Variants in ZNF641 observed in about 807,000 individuals in gnomAD.
The protein encoded by ZNF641 is zinc finger protein 641.
ZNF641 carries 26 observed loss-of-function variants against 46.2 expected under a neutral mutation model. That is an observed-to-expected ratio of 0.56 (90% confidence interval 0.41 to 0.78). ZNF641 has a LOEUF of 0.78. ZNF641 is among the 30% of genes least tolerant of loss of function. The pLI, the probability that ZNF641 is intolerant of heterozygous loss-of-function variation, is 0.00. For synonymous variants in ZNF641, 163 were observed against 187.9 expected, an observed-to-expected ratio of 0.87 and a Z score of 1.09; for missense variants, 469 against 517.8, an observed-to-expected ratio of 0.91 and a Z score of 0.91.
intron 2 of ZNF641, 35 bp downstream of exon 2, chr12:48,347,872 G>C (rs752844064): frequency 6.3e-7 from 1 of 1,590,376 alleles, no homozygotes; most frequent in South Asian, 1.1e-5. Context: ...AGGAGACTAT[G>C]CACTGTGCTT....
downstream of ZNF641, among the ~76,000 whole-genome samples, chr12:48,335,018 G>A (rs1214707461): frequency 1.3e-5 from 2 of 152,228 alleles, no homozygotes; most frequent in Non-Finnish European, 2.9e-5. Flanking sequence ...CATTAGCACT[G>A]TGGTTTGGGC....
In ZNF641 at chr12:48,342,808, G is replaced by A. The variant is rs1040918710; in HGVS notation, c.*165C>T. ...CTCTATTTTTATGTGCTATCTCACAGAACTGGTGAGAAATGCTCTGGCCAT... is the reference window on the plus strand; with the variant it reads ...CTCTATTTTTATGTGCTATCTCACAAAACTGGTGAGAAATGCTCTGGCCAT... On this transcript the variant is annotated 3_prime_UTR_variant, in exon 6 of 6. Coordinates refer to ENST00000547026, the MANE Select transcript of ZNF641 (RefSeq NM_001172681.2). 4.2e-6 allele frequency: 6 copies of A among 1,428,748 alleles called. No homozygotes were observed. The highest frequency in any genetic ancestry group is 4.6e-6 in the Non-Finnish European group (5 of 1,096,670). 88.5% of individuals were successfully genotyped at this position (1,428,748 alleles called of 1,614,324 possible). A position where few individuals can be genotyped will look rare whatever the true frequency, so the allele number is the denominator to read the frequency against.
In ZNF641 at chr12:48,342,979, G is replaced by A. The variant is rs1401669308; in HGVS notation, c.1269C>T (p.Val423=). 1 of 1,609,486 alleles carries A rather than the reference G, an allele frequency of 6.2e-7. No homozygotes were observed. The highest frequency in any genetic ancestry group is 1.3e-5 in the African/African-American group (1 of 74,856). ...GCTGTAGTGGAAACAGATTTCAAAA[G>A]ACAGATGTTCCTCTGTCCCAGCTGT... The part of the protein sequence containing the change: ...PRNSWDRGTS[V]F Residue 423 remains valine, a synonymous_variant, in exon 6 of 6, where the codon GTC becomes GTT. Transcript: ENST00000547026.
At chr12:48,350,161 T>G in intron 1 of ZNF641, 1 of 1,602,954 alleles carries the variant, frequency 6.2e-7, no homozygotes, top group Admixed American at 1.7e-5. Context: ...CCCACTGCAG[T>G]GTGGGTTCTA....
intron 1 of ZNF641, among the ~76,000 whole-genome samples, chr12:48,348,599 G>C (rs1275679925): frequency 2.0e-5 from 3 of 152,190 alleles, no homozygotes; most frequent in Non-Finnish European, 4.4e-5. Flanking sequence ...GATTACTATA[G>C]GTAAAAGTCC....
At position 48,337,641 on chromosome 12, in the gene ZNF641, A is replaced by G. The variant is rs980640188; in HGVS notation, c.*5332T>C. 1 of 148,856 alleles carries G rather than the reference A, an allele frequency of 6.7e-6. No homozygotes were observed. The highest frequency in any genetic ancestry group is 2.5e-5 in the African/African-American group (1 of 39,940). 9.2% of individuals were successfully genotyped at this position (148,856 alleles called of 1,614,324 possible). On this transcript the variant is annotated 3_prime_UTR_variant, in exon 6 of 6. Transcript: ENST00000547026. ...TGAGACCATCCTGGCTAACACCGTG[A>G]AACCCCGTCTCTACTAAAAAAAATA...
Position 48,347,351 on chromosome 12 carries a change from GGA to G in ZNF641, c.185-10_185-9del, listed in dbSNP as rs777926775. ...CCCAGGGAGCAGACTGAGCTGATAA[GGA>G]GAGAGAAGAAACATTAGAGAATAAC... On this transcript the variant is annotated splice_polypyrimidine_tract_variant and intron_variant, in intron 2 of 5. Transcript: ENST00000547026. 5.6e-6 allele frequency: 9 copies of G among 1,601,450 alleles called. No homozygotes were observed. The South Asian group carries it at 1.0e-4, about 18-fold the overall frequency.
Position 48,342,969 on chromosome 12 carries a change from G to T in ZNF641, c.*4C>A. 1 of 1,604,384 alleles carries T rather than the reference G, an allele frequency of 6.2e-7. No individual in the cohort carries two copies. Among genetic ancestry groups the T allele is most frequent in the Non-Finnish European group, 8.5e-7 (1 of 1,175,398 alleles). On this transcript the variant is annotated 3_prime_UTR_variant, in exon 6 of 6. Transcript: ENST00000547026. Reference sequence around the variant, plus strand: ...CTTGACCATAGCTGTAGTGGAAACAGATTTCAAAAGACAGATGTTCCTCTG... The same window carrying T: ...CTTGACCATAGCTGTAGTGGAAACATATTTCAAAAGACAGATGTTCCTCTG...
intron 1 of ZNF641, chr12:48,350,155 C>G (rs746781507): frequency 1.2e-6 from 2 of 1,606,652 alleles, no homozygotes; most frequent in African/African-American, 1.3e-5. Flanking sequence ...CCCATGCCCA[C>G]TGCAGTGTGG....
At position 48,340,823 on chromosome 12, in the gene ZNF641, G is replaced by T. The variant is rs771724932; in HGVS notation, c.*2150C>A. 2.3e-5 allele frequency: 23 copies of T among 985,284 alleles called. No homozygotes were observed. The highest frequency in any genetic ancestry group is 5.2e-5 in the African/African-American group (3 of 57,244). The allele number at this position is 985,284 out of a possible 1,614,324, so 61.0% of individuals were successfully genotyped here. A position where few individuals can be genotyped will look rare whatever the true frequency, so the allele number is the denominator to read the frequency against. On this transcript the variant is annotated 3_prime_UTR_variant, in exon 6 of 6. Transcript: ENST00000547026. ...TTAGTATTAAAGAGGGAGAGTAAAA[G>T]AAATGTCAGAGTCCAGATTTATCAC...
At position 48,337,194 on chromosome 12, in the gene ZNF641, C is replaced by CTTTTATTGA. The variant is rs1170491357; in HGVS notation, c.*5778_*5779insTCAATAAAA. The CTTTTATTGA allele has an allele frequency of 2.0e-5, 3 of 152,266 alleles. No individual in the cohort carries two copies. The East Asian group carries it at 5.8e-4, about 29-fold the overall frequency. The allele number at this position is 152,266 out of a possible 1,614,324, so 9.4% of individuals were successfully genotyped here. On this transcript the variant is annotated 3_prime_UTR_variant, in exon 6 of 6. Coordinates refer to ENST00000547026, the MANE Select transcript of ZNF641 (RefSeq NM_001172681.2). Reference sequence around the variant, plus strand: ...GAACAAATAAGTGACACAGCCAATACATCTTTTATTCAACTGACAGGGACC... The same window carrying CTTTTATTGA: ...GAACAAATAAGTGACACAGCCAATACTTTTATTGAATCTTTTATTCAACTGACAGGGACC...
At chr12:48,347,810 T>C (rs943479395) in intron 2 of ZNF641, 97 bp downstream of exon 2, 10 of 1,208,652 alleles carry the variant, frequency 8.3e-6, no homozygotes, top group Non-Finnish European at 1.2e-5. Context: ...GGTTATGCTA[T>C]TTAGTCCATG....
Position 48,342,385 on chromosome 12 carries a change from G to A in ZNF641, c.*588C>T, listed in dbSNP as rs947146943. 1 of 985,720 alleles carries A rather than the reference G, an allele frequency of 1.0e-6. No homozygotes were observed. The highest frequency in any genetic ancestry group is 6.1e-5 in the Admixed American group (1 of 16,350). The allele number at this position is 985,720 out of a possible 1,614,324, so 61.1% of individuals were successfully genotyped here. A position where few individuals can be genotyped will look rare whatever the true frequency, so the allele number is the denominator to read the frequency against. On this transcript the variant is annotated 3_prime_UTR_variant, in exon 6 of 6. Transcript: ENST00000547026. The stretch of plus-strand genomic sequence containing the variant: ...ATAAAAAAGGGGGCTCTGGATGCCT[G>A]ATCACTATCTCTTGTTTCCTTGTTA...
chr12:48,335,014 C>T (rs1952594332), downstream of ZNF641, among the ~76,000 whole-genome samples: 1 of 152,224 alleles, frequency 6.6e-6, no homozygotes, highest in Non-Finnish European at 1.5e-5. Flanking sequence ...ATATCATTAG[C>T]ACTGTGGTTT....
In ZNF641 at chr12:48,345,347, A is replaced by T; in HGVS notation, c.404T>A (p.Leu135Gln). The T allele has an allele frequency of 1.9e-6, 3 of 1,613,876 alleles. No individual in the cohort carries two copies. The highest frequency in any genetic ancestry group is 2.5e-6 in the Non-Finnish European group (3 of 1,179,852). The change falls in exon 4 of 6, where the codon CTG (leucine) becomes CAG (glutamine). Residue 135 changes from leucine (L) to glutamine (Q), a missense_variant and splice_region_variant. Around this residue, in one of 3 missense-constraint regions of ZNF641, gnomAD observed 25 missense variants for 58.1 expected, o/e 0.43. Transcript: ENST00000547026. ...MQENCGIVVS[L>Q]RFPIPKLDML... ...TGGCTGGAGAAGGTCATGCTTACTC[A>T]GAGAGACTACTATCCCACAGTTTTC...
chr12:48,347,097 T>A, intron 3 of ZNF641, 155 bp downstream of exon 3: 1 of 1,342,206 alleles, frequency 7.5e-7, no homozygotes, highest in Non-Finnish European at 1.0e-6. Context: ...TCCAAGGGTC[T>A]TATGACCCCT....
chr12:48,343,833 AC>A, intron 5 of ZNF641, 106 bp from the exon 6 acceptor site: 2 of 1,100,900 alleles, frequency 1.8e-6, no homozygotes, highest in Non-Finnish European at 2.5e-6. Context: ...CCCAGACTTG[AC>A]CCCAGAAGGG....
In ZNF641 at chr12:48,347,981, C is replaced by T. The variant is rs1363039872; in HGVS notation, c.110G>A (p.Trp37Ter). ...VERGSQEERP[W>*]RTVPGPLEHL... ...CTCCAGAGGTCCTGGTACTGTTCTC[C>T]ATGGCCGCTCTTCCTGGCTTCCCCT... The change falls in exon 2 of 6, where the codon TGG becomes TAG. Residue 37 changes from tryptophan to a stop codon, truncating the protein, a stop_gained. Coordinates refer to ENST00000547026, the MANE Select transcript of ZNF641 (RefSeq NM_001172681.2). LOFTEE classifies it high-confidence loss of function. 6.2e-7 allele frequency: 1 copy of T among 1,614,170 alleles called. No homozygotes were observed. The highest frequency in any genetic ancestry group is 8.5e-7 in the Non-Finnish European group (1 of 1,180,038).
At chr12:48,350,740 C>G in intron 1 of ZNF641, 46 bp downstream of exon 1, 1 of 832,448 alleles carries the variant, frequency 1.2e-6, no homozygotes, top group Non-Finnish European at 1.4e-6. Flanking sequence ...GGAAGCCAGG[C>G]GTCCCTCCCT....
Sources: gnomAD v4.1 joint callset for allele counts (sites outside exome capture counted in the v4.1 genomes callset) on GRCh38, gnomAD v4.1.1 for gene constraint, gnomAD v4.1.1 regional missense constraint, MANE v1.5 for transcripts, NCBI Gene and HGNC (gene_info 2026-07-23, HGNC 2026-07-21) for gene names.